The following RANBP2 variants were observed in gnomAD, a reference collection of about 807,000 sequenced individuals.
RANBP2 encodes the protein RAN binding protein 2.
A neutral mutation model predicts 303.6 loss-of-function variants in RANBP2; 57 were observed. The observed-to-expected ratio is 0.19, with a 90% CI of 0.15 to 0.23. The LOEUF is 0.23. Ranked by LOEUF, RANBP2 falls within the 10% of genes least tolerant of loss-of-function variation. The pLI is 1.00. For synonymous variants in RANBP2, 1,167 were observed against 1,301.5 expected (o/e 0.90, Z 2.23); for missense variants, 3,138 against 3,780.8 (o/e 0.83, Z 4.46).
chr2:109,182,271 G>A, the RANBP2 span, among the ~76,000 whole-genome samples: 1,862 of 152,266 alleles, frequency 0.012, 19 homozygotes, highest in Middle Eastern at 0.034. Flanking sequence ...AGAAGGCATC[G>A]CATGGTGAGA....
chr2:109,591,560 C>T, the RANBP2 span, among the ~76,000 whole-genome samples: 3 of 152,156 alleles, frequency 2.0e-5, no homozygotes, highest in African/African-American at 4.8e-5. Context: ...AAACAAGAGA[C>T]TACAGTTATT....
chr2:108,735,519 C>T lies in RANBP2; in HGVS notation c.406-13C>T, dbSNP rs776751187. 5.6e-6 allele frequency: 9 copies of T among 1,597,324 alleles called. No individual in the cohort carries two copies. Among genetic ancestry groups the T allele is most frequent in the Non-Finnish European group, 6.8e-6 (8 of 1,179,746 alleles). On this transcript the variant is annotated splice_polypyrimidine_tract_variant and intron_variant, in intron 4 of 28. Coordinates refer to ENST00000283195, the MANE Select transcript of RANBP2 (RefSeq NM_006267.5). ...TGTTACTCTAATAATTTTTCTTTTT[C>T]CCCTCTAAATAGGAACAGCTTCTAG...
At chr2:109,430,928 C>T in the RANBP2 span, among the ~76,000 whole-genome samples, 1 of 152,142 alleles carries the variant, frequency 6.6e-6, no homozygotes, top group Non-Finnish European at 1.5e-5. Context: ...CACCTATCAA[C>T]AAAGGAAATA....
downstream of RANBP2, chr2:108,787,013 T>A (rs896645575): frequency 8.1e-6 from 6 of 739,376 alleles, no homozygotes; most frequent in African/African-American, 7.5e-5. Flanking sequence ...GCAGCGGCTC[T>A]GGTCCCGGCC....
the RANBP2 span, among the ~76,000 whole-genome samples, chr2:109,050,111 T>C: frequency 6.6e-6 from 1 of 150,758 alleles, no homozygotes; most frequent in African/African-American, 2.4e-5. Context: ...AAATATAAAA[T>C]ACACACTGGA....
the RANBP2 span, among the ~76,000 whole-genome samples, chr2:109,499,963 T>TG: frequency 1.3e-5 from 2 of 151,030 alleles, no homozygotes; most frequent in African/African-American, 4.9e-5. Context: ...AGGCAGCGAG[T>TG]GGGGGCTCAG....
chr2:109,699,676 G>T, the RANBP2 span, among the ~76,000 whole-genome samples: 10 of 152,302 alleles, frequency 6.6e-5, no homozygotes, highest in African/African-American at 2.4e-4. Context: ...GGGGTTGGTT[G>T]CGTTGTCTCA....
At chr2:109,128,358 C>G in the RANBP2 span, 1 of 152,148 alleles carries the variant, frequency 6.6e-6, no homozygotes, top group Non-Finnish European at 1.5e-5. Flanking sequence ...TGCGCCGCGG[C>G]GGGCGCTAGA....
rs1676519863 is a variant in RANBP2 at position 108,758,863 on chromosome 2, CTTAA to C, written c.2602+320_2602+323del. On this transcript the variant is annotated intron_variant, in intron 18 of 28. Coordinates refer to ENST00000283195, the MANE Select transcript of RANBP2 (RefSeq NM_006267.5). ...GAATAGAGTTATGCACTAAGAAATG[CTTAA>C]TTAAGAACCTACACCTCTGGGGAAT... is the stretch of plus-strand genomic sequence containing the variant. 2.0e-5 allele frequency among the ~76,000 whole-genome samples: 3 copies of C among 151,760 alleles called. No homozygotes were observed. In the South Asian group the frequency reaches 6.3e-4, roughly 32 times the overall value.
In RANBP2 at chr2:108,752,876, A is replaced by T. The variant is rs1340081205; in HGVS notation, c.1756-122A>T. The T allele has an allele frequency of 5.7e-6, 9 of 1,581,600 alleles. No individual in the cohort carries two copies. In the East Asian group the frequency reaches 2.0e-4, roughly 36 times the overall value. ...ACAGTATTTGGAAGTTGAACAAATG[A>T]CTATTGAGATACCATTTGGTTTTGA... On this transcript the variant is annotated intron_variant, in intron 12 of 28. Coordinates refer to ENST00000283195, the MANE Select transcript of RANBP2 (RefSeq NM_006267.5).
At chr2:109,649,467 G>T in the RANBP2 span, among the ~76,000 whole-genome samples, 1 of 151,782 alleles carries the variant, frequency 6.6e-6, no homozygotes, top group Non-Finnish European at 1.5e-5. Context: ...GCGTGATCTC[G>T]GGTCACTGCA....
At chr2:109,602,238 T>G in the RANBP2 span, among the ~76,000 whole-genome samples, 1 of 152,144 alleles carries the variant, frequency 6.6e-6, no homozygotes, top group Non-Finnish European at 1.5e-5. Context: ...GAGAGAAAGT[T>G]TGTGATGTGA....
the RANBP2 span, among the ~76,000 whole-genome samples, chr2:109,343,693 C>T: frequency 3.0e-4 from 45 of 151,646 alleles, 1 homozygote; most frequent in East Asian, 7.4e-3. Context: ...GGTGGCCAGG[C>T]GTACAATCTC....
At chr2:109,565,932 GAGAGA>G in the RANBP2 span, 6 of 1,277,172 alleles carry the variant, frequency 4.7e-6, no homozygotes, top group African/African-American at 4.4e-5. Context: ...TTTTATGTGA[GAGAGA>G]AGAGAATAAT....
chr2:109,514,394 C>T, the RANBP2 span, among the ~76,000 whole-genome samples: 2,580 of 152,292 alleles, frequency 0.017, 70 homozygotes, highest in African/African-American at 0.058. Context: ...GCAGCCCATC[C>T]GCCCACCGCC....
chr2:109,342,492 A>G, the RANBP2 span, among the ~76,000 whole-genome samples: 4 of 152,220 alleles, frequency 2.6e-5, no homozygotes, highest in African/African-American at 9.7e-5. Context: ...GCAGGTGGTG[A>G]GAGCCGTGAC....
the RANBP2 span, among the ~76,000 whole-genome samples, chr2:109,780,018 A>AT: frequency 1.5e-5 from 1 of 64,930 alleles, no homozygotes; most frequent in Non-Finnish European, 2.9e-5. Context: ...AGACATTTTG[A>AT]TAGTCAATTT....
At chr2:109,692,801 A>G in the RANBP2 span, among the ~76,000 whole-genome samples, 2 of 149,146 alleles carry the variant, frequency 1.3e-5, no homozygotes, top group African/African-American at 2.5e-5. Flanking sequence ...TTCAACTTGT[A>G]TTTCTTTTTT....
the RANBP2 span, among the ~76,000 whole-genome samples, chr2:109,171,973 C>T: frequency 5.9e-5 from 9 of 152,254 alleles, no homozygotes; most frequent in Non-Finnish European, 1.3e-4. Context: ...TTATTTTCAG[C>T]GTGATTCTCA....
Sources: gnomAD v4.1 joint callset for allele counts (sites outside exome capture counted in the v4.1 genomes callset) on GRCh38, gnomAD v4.1.1 for gene constraint, MANE v1.5 for transcripts, NCBI Gene and HGNC (gene_info 2026-07-23, HGNC 2026-07-21) for gene names.